The following TYW1 variants were observed in gnomAD, a reference collection of about 807,000 sequenced individuals.
TYW1 encodes tRNA-yW synthesizing protein 1 homolog.
TYW1 carries 46 observed loss-of-function variants against 96.2 expected under a neutral mutation model. The ratio of observed to expected loss-of-function variants is 0.48; its 90% CI spans 0.38 to 0.61. The LOEUF is 0.61. TYW1 is among the 20% of genes least tolerant of loss of function. The pLI is 0.00. For synonymous variants in TYW1, 274 were observed against 323.0 expected, an observed-to-expected ratio of 0.85 and a Z score of 1.63; for missense variants, 684 against 909.6, an observed-to-expected ratio of 0.75 and a Z score of 3.19.
chr7:66,997,071 G>A, intron 1 of TYW1, 89 bp downstream of exon 1: 5 of 1,595,592 alleles, frequency 3.1e-6, no homozygotes, highest in Non-Finnish European at 3.4e-6. Flanking sequence ...GGCGTCCTCG[G>A]TCCCTTTCCT....
At chr7:67,075,419 T>C (rs1172749602) in intron 10 of TYW1, among the ~76,000 whole-genome samples, 1 of 152,198 alleles carries the variant, frequency 6.6e-6, no homozygotes, top group African/African-American at 2.4e-5. Context: ...CCAAAGAAGA[T>C]ATACAAATGA....
intron 8 of TYW1, among the ~76,000 whole-genome samples, chr7:67,053,380 C>CT (rs35828058): frequency 0.24 from 32,555 of 134,318 alleles, 4,229 homozygotes; most frequent in African/African-American, 0.32. Context: ...TAGTTTGTTT[C>CT]TTTTTTTTTT....
chr7:67,137,641 G>T (rs1253994781), intron 13 of TYW1, among the ~76,000 whole-genome samples: 1 of 152,138 alleles, frequency 6.6e-6, no homozygotes, highest in African/African-American at 2.4e-5. Context: ...GACTCTGGGA[G>T]GTGTGGTTGG....
intron 12 of TYW1, among the ~76,000 whole-genome samples, chr7:67,116,923 A>G (rs35605177): frequency 6.6e-6 from 1 of 152,256 alleles, no homozygotes; most frequent in Admixed American, 6.5e-5. Context: ...AAGTTCCCCA[A>G]ATGGGTCATT....
chr7:67,195,282 A>G lies in TYW1; in HGVS notation c.1922A>G (p.Tyr641Cys). The change falls in exon 15 of 16, where the codon TAT becomes TGT. Residue 641 changes from tyrosine (Y) to cysteine (C), a missense_variant. Physicochemically the swap from Tyr to Cys is radical, Grantham distance 194 (BLOSUM62 -2). Coordinates refer to ENST00000359626, the MANE Select transcript of TYW1 (RefSeq NM_018264.4). ...GAGTTGGTGGATCTGATCCCCGAATATGAAATTGCATGTGAACACGAACAC... is the reference window on the plus strand; with the variant it reads ...GAGTTGGTGGATCTGATCCCCGAATGTGAAATTGCATGTGAACACGAACAC... ...VHELVDLIPE[Y>C]EIACEHEHSN... 1 of 1,611,708 alleles carries G rather than the reference A, an allele frequency of 6.2e-7. No homozygotes were observed.
chr7:67,148,636 T>C (rs1397237865), intron 13 of TYW1, among the ~76,000 whole-genome samples: 2 of 152,082 alleles, frequency 1.3e-5, no homozygotes, highest in Non-Finnish European at 2.9e-5. Flanking sequence ...TTTCACTGTG[T>C]TAGCCAGGAT....
chr7:67,163,275 A>G (rs1354332266), intron 13 of TYW1, among the ~76,000 whole-genome samples: 1 of 152,214 alleles, frequency 6.6e-6, no homozygotes, highest in Non-Finnish European at 1.5e-5. Context: ...TAGTATTTAC[A>G]CTAAAATTCC....
intron 12 of TYW1, among the ~76,000 whole-genome samples, chr7:67,109,825 A>G (rs1044343527): frequency 1.4e-4 from 22 of 152,208 alleles, no homozygotes; most frequent in African/African-American, 4.8e-4. Flanking sequence ...GGTTGCAGTG[A>G]ACTGAAATCG....
intron 9 of TYW1, among the ~76,000 whole-genome samples, chr7:67,057,221 G>A (rs1795548111): frequency 6.6e-6 from 1 of 151,890 alleles, no homozygotes; most frequent in South Asian, 2.1e-4. Context: ...CACCATGTTA[G>A]CCAGGATGGT....
intron 12 of TYW1, among the ~76,000 whole-genome samples, chr7:67,107,874 C>CTTTT (rs1027528139): frequency 4.1e-5 from 5 of 121,476 alleles, no homozygotes; most frequent in East Asian, 2.4e-4. Flanking sequence ...CCAAGATGGA[C>CTTTT]TTTTTTTTTT....
chr7:67,125,817 T>C (rs548506235), intron 13 of TYW1, among the ~76,000 whole-genome samples: 1 of 152,346 alleles, frequency 6.6e-6, no homozygotes, highest in South Asian at 2.1e-4. Context: ...GTTGGAATCA[T>C]ACTGTATGTA....
chr7:67,103,856 T>G (rs1423687411), intron 12 of TYW1, among the ~76,000 whole-genome samples: 1 of 152,192 alleles, frequency 6.6e-6, no homozygotes, highest in Non-Finnish European at 1.5e-5. Context: ...CCATGTCATC[T>G]TTGAGCACAC....
In TYW1 at chr7:67,164,351, T is replaced by C. The variant is rs185248399; in HGVS notation, c.1699-18775T>C. On this transcript the variant is annotated intron_variant, in intron 13 of 15. Transcript: ENST00000359626. ...GCAGCCAGGTGTTATAGCTAATGCC[T>C]GTAATCCCAGCATTTTGGGAGGCCG... is the stretch of plus-strand genomic sequence containing the variant. Among the ~76,000 whole-genome samples, 298 of 152,296 alleles carry C rather than the reference T, an allele frequency of 2.0e-3. 4 individuals carry two copies. Among genetic ancestry groups the C allele is most frequent in the Admixed American group, 0.019 (298 of 15,294 alleles).
chr7:67,137,972 G>A (rs1438919585), intron 13 of TYW1, among the ~76,000 whole-genome samples: 1 of 152,112 alleles, frequency 6.6e-6, no homozygotes, highest in Non-Finnish European at 1.5e-5. Flanking sequence ...AAAGAGTTTT[G>A]GACTAAGAAA....
chr7:67,182,870 C>T (rs1799883525), intron 13 of TYW1, among the ~76,000 whole-genome samples: 1 of 151,634 alleles, frequency 6.6e-6, no homozygotes, highest in African/African-American at 2.4e-5. Flanking sequence ...CCTCTGGGTG[C>T]CTGGCATAGT....
intron 13 of TYW1, among the ~76,000 whole-genome samples, chr7:67,142,105 T>G (rs1250008961): frequency 2.4e-5 from 2 of 84,262 alleles, no homozygotes; most frequent in African/African-American, 1.3e-4. Flanking sequence ...TCAGTGCTAT[T>G]ATTATTTAGA....
At chr7:67,139,139 A>G (rs1584609304) in intron 13 of TYW1, among the ~76,000 whole-genome samples, 1 of 151,916 alleles carries the variant, frequency 6.6e-6, no homozygotes, top group South Asian at 2.1e-4. Context: ...TGCAGCCTCC[A>G]CCTCCTGGGT....
intron 13 of TYW1, among the ~76,000 whole-genome samples, chr7:67,158,925 GC>G (rs1799071662): frequency 6.6e-6 from 1 of 152,136 alleles, no homozygotes; most frequent in Non-Finnish European, 1.5e-5. Flanking sequence ...TTCTTGATTA[GC>G]CTGGCTAGAA....
At chr7:67,150,217 G>A (rs1361993412) in intron 13 of TYW1, among the ~76,000 whole-genome samples, 5 of 152,112 alleles carry the variant, frequency 3.3e-5, no homozygotes, top group Non-Finnish European at 5.9e-5. Context: ...TGAGGACAGG[G>A]ATTAGAGGAA....
Sources: allele counts gnomAD v4.1 joint callset (sites outside exome capture counted in the v4.1 genomes callset), GRCh38; gene constraint gnomAD v4.1.1; transcripts MANE v1.5; gene names NCBI Gene and HGNC (gene_info 2026-07-23, HGNC 2026-07-21).